CACNA1B: variants seen among roughly 807,000 people sequenced by gnomAD.
CACNA1B encodes calcium voltage-gated channel subunit alpha1 B, also known as voltage-dependent N-type calcium channel subunit alpha-1B.
Under a neutral mutation model 247.2 loss-of-function variants are expected in CACNA1B, and 70 were observed. The ratio of observed to expected loss-of-function variants is 0.28; its 90% confidence interval spans 0.23 to 0.35. CACNA1B has a LOEUF of 0.35. CACNA1B is among the 10% of genes least tolerant of loss of function. The pLI, the probability that CACNA1B is intolerant of heterozygous loss-of-function variation, is 1.00. For missense variants in CACNA1B, 2,367 were observed against 3,197.4 expected, an observed-to-expected ratio of 0.74 and a Z score of 6.26; for synonymous variants, 1,231 against 1,294.4, an observed-to-expected ratio of 0.95 and a Z score of 1.05.
rs1198943111 is a variant in CACNA1B at position 137,974,644 on chromosome 9, T to A, written c.1544-1263T>A. ...GGAGGAGATTTTAGGAGCATAGGGG[T>A]GGGAAGAGTGTGTGGCCCCCTCTTC... On this transcript the variant is annotated intron_variant, in intron 11 of 46. Transcript: ENST00000371372. This position sits in a 1 kb window ranked among gnomAD's most constrained non-coding sequence, Gnocchi z 4.5. Among the ~76,000 whole-genome samples, 2 of 152,024 alleles carry A rather than the reference T, an allele frequency of 1.3e-5. No homozygotes were observed. Among genetic ancestry groups the A allele is most frequent in the Admixed American group, 1.3e-4 (2 of 15,276 alleles).
rs761549128 is a variant in CACNA1B, at chr9:138,078,096, C to T, written c.4950-18C>T. On this transcript the variant is annotated intron_variant, in intron 35 of 46. Transcript: ENST00000371372. ...TCAAGGGCCTCTGTGGGCCTCACAA[C>T]TCTGCCCTTCTTCTCAGGAGCGCCA... 1 of 1,612,506 alleles carries T rather than the reference C, an allele frequency of 6.2e-7. No individual in the cohort carries two copies. Among genetic ancestry groups the T allele is most frequent in the Non-Finnish European group, 8.5e-7 (1 of 1,179,266 alleles).
chr9:138,009,979 G>C (rs199608224), intron 16 of CACNA1B, 31 bp from the exon 17 acceptor site: 1 of 1,586,142 alleles, frequency 6.3e-7, no homozygotes, highest in Non-Finnish European at 8.7e-7. Context: ...ATGTGGGGCA[G>C]AGGTTCCCTT....
intron 6 of CACNA1B, among the ~76,000 whole-genome samples, chr9:137,947,255 C>G (rs890914760): frequency 2.6e-5 from 4 of 152,046 alleles, no homozygotes; most frequent in Non-Finnish European, 4.4e-5. Flanking sequence ...TGGGAGGTGA[C>G]CAATCAGAGG....
rs1260531189 is a variant in CACNA1B at position 138,024,950 on chromosome 9, T to A, written c.3069-5T>A. ...CCGAGGCCTGATGTACATTCTTGAT[T>A]GCAGGGAGCCACACTGTGACCTGGA... is the stretch of plus-strand genomic sequence containing the variant. On this transcript the variant is annotated splice_region_variant and splice_polypyrimidine_tract_variant and intron_variant, in intron 19 of 46. Transcript: ENST00000371372. The A allele has an allele frequency of 6.4e-7, 1 of 1,564,684 alleles. No homozygotes were observed.
intron 23 of CACNA1B, among the ~76,000 whole-genome samples, chr9:138,048,302 G>C (rs1398629717): frequency 6.6e-6 from 1 of 152,208 alleles, no homozygotes; most frequent in Non-Finnish European, 1.5e-5. Flanking sequence ...CTGCAGTCCT[G>C]CTGCTCTGAG....
Position 138,120,808 on chromosome 9 carries a change from C to G in CACNA1B, c.6416C>G (p.Pro2139Arg), listed in dbSNP as rs752121300. The G allele has an allele frequency of 6.4e-7, 1 of 1,561,430 alleles. No individual in the cohort carries two copies. Residue 2139 changes from proline to arginine, a missense_variant, in exon 46 of 47, where the codon CCG (proline) becomes CGG (arginine). This residue lies in a region of CACNA1B where 773 missense variants were observed against 779.4 expected (regional missense o/e 0.99). Coordinates refer to ENST00000371372, the MANE Select transcript of CACNA1B (RefSeq NM_000718.4). The part of the protein sequence containing the change: ...SCDRFGGREP[P>R]KPKPSLSSHP... ...GACCGCTTTGGGGGCCGTGAGCCCC[C>G]GAAGCCCAAGCCCTCCCTCAGCAGC...
chr9:138,086,416 T>G (rs1426351811), intron 36 of CACNA1B, among the ~76,000 whole-genome samples: 1 of 151,104 alleles, frequency 6.6e-6, no homozygotes, highest in Admixed American at 6.6e-5. Flanking sequence ...TCCCAGCAAC[T>G]TGGGAGGCTG....
chr9:138,034,484 G>A lies in CACNA1B; in HGVS notation c.3287-9290G>A, dbSNP rs182666856. 2.1e-4 allele frequency among the ~76,000 whole-genome samples: 31 copies of A among 147,950 alleles called. No individual in the cohort carries two copies. In the East Asian group the frequency reaches 6.2e-3, roughly 29 times the overall value. On this transcript the variant is annotated intron_variant, in intron 20 of 46. Transcript: ENST00000371372. Reference sequence around the variant, plus strand: ...TTTTTTTGGCTTGTGTGTGTAGTTTGGCTATTGTTTAGTGATTATTGTCTA... The same window carrying A: ...TTTTTTTGGCTTGTGTGTGTAGTTTAGCTATTGTTTAGTGATTATTGTCTA...
chr9:138,036,429 G>GC (rs1396939597), intron 20 of CACNA1B, among the ~76,000 whole-genome samples: 1 of 152,234 alleles, frequency 6.6e-6, no homozygotes, highest in Non-Finnish European at 1.5e-5. Context: ...GTGAGCCACC[G>GC]CTCCCGGCCT....
At chr9:138,026,927 A>G (rs2133444239) in intron 20 of CACNA1B, among the ~76,000 whole-genome samples, 1 of 152,306 alleles carries the variant, frequency 6.6e-6, no homozygotes, top group East Asian at 1.9e-4. Context: ...ATCCTTGCCA[A>G]TATTCAGTGT....
At chr9:137,984,800 G>A (rs1216470772) in intron 13 of CACNA1B, among the ~76,000 whole-genome samples, 1 of 152,204 alleles carries the variant, frequency 6.6e-6, no homozygotes, top group Non-Finnish European at 1.5e-5. Context: ...TTACAGTTAT[G>A]TCCCACTTGA....
chr9:138,103,816 G>A (rs1248549598), intron 38 of CACNA1B, among the ~76,000 whole-genome samples: 2 of 152,238 alleles, frequency 1.3e-5, no homozygotes, highest in African/African-American at 4.8e-5. Context: ...CTCTGGTGCT[G>A]TGGACAGCTG....
chr9:138,067,740 G>A (rs1323300318), intron 31 of CACNA1B, among the ~76,000 whole-genome samples: 1 of 152,200 alleles, frequency 6.6e-6, no homozygotes, highest in African/African-American at 2.4e-5. Context: ...TGGTGGGCGT[G>A]CCAGCCAGCA....
intron 6 of CACNA1B, among the ~76,000 whole-genome samples, chr9:137,939,930 A>T (rs1957713787): frequency 6.6e-6 from 1 of 152,088 alleles, no homozygotes; most frequent in Non-Finnish European, 1.5e-5. Flanking sequence ...AGGCAGTGCT[A>T]AGAGGAAAGT....
intron 6 of CACNA1B, among the ~76,000 whole-genome samples, chr9:137,948,626 A>C (rs1181578314): frequency 1.3e-5 from 2 of 150,840 alleles, no homozygotes; most frequent in African/African-American, 4.9e-5. Context: ...TAAAAAAAAA[A>C]CACTTTGGAG....
intron 15 of CACNA1B, among the ~76,000 whole-genome samples, chr9:137,995,414 A>T (rs1242786157): frequency 1.3e-5 from 2 of 152,194 alleles, no homozygotes; most frequent in African/African-American, 4.8e-5. Flanking sequence ...GACAAAATAA[A>T]CAAAAACATA....
intron 6 of CACNA1B, among the ~76,000 whole-genome samples, chr9:137,931,417 A>C (rs1457607416): frequency 6.6e-6 from 1 of 151,850 alleles, no homozygotes; most frequent in Non-Finnish European, 1.5e-5. Flanking sequence ...GATACAGTGG[A>C]ATGGGGGGCG....
chr9:137,949,057 A>G, intron 6 of CACNA1B, among the ~76,000 whole-genome samples: 2 of 48,574 alleles, frequency 4.1e-5, no homozygotes, highest in African/African-American at 8.4e-5. Flanking sequence ...TGTGGGTGTG[A>G]AGTATGTGTG....
rs1467033038 is a variant in CACNA1B at position 137,880,759 on chromosome 9, C to T, written c.390+1600C>T. 3.3e-5 allele frequency among the ~76,000 whole-genome samples: 5 copies of T among 152,146 alleles called. No individual in the cohort carries two copies. In the East Asian group the frequency reaches 7.7e-4, roughly 23 times the overall value. ...CATGTGCAGGCCCAGCCATTGATGT[C>T]CCCTGGGATGGAGGGGAGGCTGTGC... On this transcript the variant is annotated intron_variant, in intron 2 of 46. Transcript: ENST00000371372. This position sits in a 1 kb window ranked among gnomAD's most constrained non-coding sequence, Gnocchi z 4.8.
Sources: allele counts gnomAD v4.1 joint callset (sites outside exome capture counted in the v4.1 genomes callset), GRCh38; gene constraint gnomAD v4.1.1; regional missense constraint gnomAD v4.1.1; non-coding constraint Gnocchi (gnomAD v3.1); transcripts MANE v1.5; gene names NCBI Gene and HGNC (gene_info 2026-07-23, HGNC 2026-07-21).